SART3: variants seen among roughly 807,000 people sequenced by gnomAD.
SART3 encodes spliceosome associated factor 3, U4/U6 recycling protein, also known as HIV-1 Tat-interacting protein of 110kDa.
In SART3, 44 loss-of-function variants were observed where a neutral mutation model predicts 122.3. The observed-to-expected ratio is 0.36, with a 90% CI of 0.28 to 0.46. SART3 has a LOEUF of 0.46. SART3 is among the 20% of genes least tolerant of loss of function. The pLI is 1.00. For missense variants in SART3, 1,101 were observed against 1,229.0 expected, an observed-to-expected ratio of 0.90 and a Z score of 1.56; for synonymous variants, 442 against 454.0, an observed-to-expected ratio of 0.97 and a Z score of 0.34.
rs1872221423 is a variant in SART3 at position 108,523,457 on chromosome 12, T to A, written c.2892A>T (p.Ter964CysextTer63). 1 of 1,612,152 alleles carries A rather than the reference T, an allele frequency of 6.2e-7. No homozygotes were observed. The highest frequency in any genetic ancestry group is 8.5e-7 in the Non-Finnish European group (1 of 1,179,980). The part of the protein sequence containing the change: ...ADFAKLFLRK[*>C] ...CATTTCCTGTCTCCCAGCGTCCCGT[T>A]CACTTTCTCAGAAACAGCTTGGCAA... Residue 964 changes from the stop codon to cysteine (C), a stop_lost, in exon 19 of 19, where the codon TGA (stop) becomes TGT (cysteine). Coordinates refer to ENST00000546815, the MANE Select transcript of SART3 (RefSeq NM_014706.4).
At chr12:108,536,215 T>C (rs1374429604) in intron 11 of SART3, among the ~76,000 whole-genome samples, 1 of 152,214 alleles carries the variant, frequency 6.6e-6, no homozygotes, top group East Asian at 1.9e-4. Context: ...CACTGTGCTC[T>C]CACAAATGAA....
chr12:108,542,573 C>G (rs534182398), intron 6 of SART3, among the ~76,000 whole-genome samples: 1 of 152,160 alleles, frequency 6.6e-6, no homozygotes, highest in South Asian at 2.1e-4. Flanking sequence ...ACAAATGCAC[C>G]GGAGTTATAC....
intron 18 of SART3, 43 bp from the exon 19 acceptor site, chr12:108,523,677 C>T (rs766517693): frequency 6.5e-6 from 10 of 1,548,640 alleles, no homozygotes; most frequent in African/African-American, 2.7e-5. Context: ...AGCAACAATT[C>T]GTGGCCCCTC....
At chr12:108,535,904 G>C (rs1047843169) in intron 11 of SART3, among the ~76,000 whole-genome samples, 1 of 151,926 alleles carries the variant, frequency 6.6e-6, no homozygotes, top group Non-Finnish European at 1.5e-5. Flanking sequence ...CTTTAAAATG[G>C]TTAAAAGATA....
chr12:108,552,145 G>A (rs6539438), intron 1 of SART3, among the ~76,000 whole-genome samples: 1 of 151,926 alleles, frequency 6.6e-6, no homozygotes, highest in Non-Finnish European at 1.5e-5. Flanking sequence ...ATCCAACAAC[G>A]ATTCATGGTT....
At chr12:108,552,970 GTGTGAGAA>G (rs1436194613) in intron 1 of SART3, among the ~76,000 whole-genome samples, 1 of 152,166 alleles carries the variant, frequency 6.6e-6, no homozygotes. Flanking sequence ...CATCAAGGCA[GTGTGAGAA>G]TGGCAGAAAG....
At chr12:108,535,710 T>C in intron 11 of SART3, 1 of 522,650 alleles carries the variant, frequency 1.9e-6, no homozygotes, top group Non-Finnish European at 3.5e-6. Flanking sequence ...GAGCGCACGG[T>C]ACTTACTCGA....
intron 8 of SART3, chr12:108,537,823 A>C (rs1252630646): frequency 4.5e-6 from 3 of 670,248 alleles, no homozygotes; most frequent in Non-Finnish European, 7.6e-6. Context: ...AAAGTTCCAG[A>C]TCAAGGAAGT....
intron 1 of SART3, among the ~76,000 whole-genome samples, chr12:108,552,005 G>A (rs1406512166): frequency 6.6e-6 from 1 of 152,174 alleles, no homozygotes; most frequent in Non-Finnish European, 1.5e-5. Context: ...TATACACCAT[G>A]ACCAAGTGGT....
chr12:108,560,797 G>C (rs1386879247), intron 1 of SART3, 46 bp downstream of exon 1: 1 of 1,528,658 alleles, frequency 6.5e-7, no homozygotes, highest in South Asian at 1.2e-5. Flanking sequence ...GGGGACCCGA[G>C]GACCTGAAAG....
At chr12:108,559,226 A>C (rs1044519707) in intron 1 of SART3, among the ~76,000 whole-genome samples, 1 of 152,206 alleles carries the variant, frequency 6.6e-6, no homozygotes, top group Non-Finnish European at 1.5e-5. Flanking sequence ...TTTAATGAGT[A>C]AACTAGATTA....
chr12:108,534,233 T>C (rs1316301421), intron 12 of SART3, among the ~76,000 whole-genome samples: 1 of 152,148 alleles, frequency 6.6e-6, no homozygotes, highest in Non-Finnish European at 1.5e-5. Context: ...ATTATAAATA[T>C]CAATAGATAT....
chr12:108,536,841 A>C (rs1015208148), intron 9 of SART3, 56 bp from the exon 10 acceptor site: 2 of 1,520,214 alleles, frequency 1.3e-6, no homozygotes, highest in Non-Finnish European at 1.8e-6. Flanking sequence ...GCTTTGTTTT[A>C]TTTTTTATCC....
chr12:108,546,770 C>T (rs1001294870), intron 3 of SART3, among the ~76,000 whole-genome samples: 8 of 152,178 alleles, frequency 5.3e-5, no homozygotes, highest in African/African-American at 1.9e-4. Flanking sequence ...ATCCGCCTGC[C>T]TCAGTCTCCC....
chr12:108,535,856 G>T (rs1872881898), intron 11 of SART3, among the ~76,000 whole-genome samples: 1 of 150,492 alleles, frequency 6.6e-6, no homozygotes, highest in Admixed American at 6.6e-5. Flanking sequence ...ACTGTGACTT[G>T]GGCAAATTAC....
intron 17 of SART3, 72 bp from the exon 18 acceptor site, chr12:108,524,578 G>A (rs1175490104): frequency 1.4e-6 from 2 of 1,447,584 alleles, no homozygotes; most frequent in Non-Finnish European, 1.9e-6. Flanking sequence ...TGCAGGGCAG[G>A]CACTGGGCTT....
rs746577028 is a variant in SART3, at chr12:108,549,203, G to A, written c.324C>T (p.Asn108=). ...IERLEEQLSI[N]VYDYNCHVDL... is the part of the protein sequence containing the mutation. Reference sequence around the variant, plus strand: ...CCACATGGCAGTTGTAGTCATAGACGTTGATAGACAACTAACAGGAAAAGA... The same window carrying A: ...CCACATGGCAGTTGTAGTCATAGACATTGATAGACAACTAACAGGAAAAGA... The change falls in exon 2 of 19, where the codon AAC becomes AAT. Residue 108 remains asparagine, a synonymous_variant. Transcript: ENST00000546815. 3.4e-5 allele frequency: 55 copies of A among 1,614,160 alleles called. No homozygotes were observed. In the South Asian group the frequency reaches 5.0e-4, roughly 15 times the overall value.
Position 108,530,314 on chromosome 12 carries a change from G to A in SART3, c.1747-4C>T. 3.7e-6 allele frequency: 6 copies of A among 1,613,912 alleles called. No homozygotes were observed. Among genetic ancestry groups the A allele is most frequent in the Non-Finnish European group, 5.1e-6 (6 of 1,180,028 alleles). ...GGGCTGCTTCCTTCTCTGCAGCCTA[G>A]AAAAGTGGGAAGATGATGCATCGCT... On this transcript the variant is annotated splice_polypyrimidine_tract_variant and splice_region_variant and intron_variant, in intron 14 of 18. Transcript: ENST00000546815.
rs1001537591 is a variant in SART3 at position 108,523,122 on chromosome 12, C to G, written c.*335G>C. The G allele has an allele frequency of 2.0e-5, 8 of 404,272 alleles. No homozygotes were observed. Among genetic ancestry groups the G allele is most frequent in the African/African-American group, 1.4e-4 (7 of 49,408 alleles). 25.0% of individuals were successfully genotyped at this position (404,272 alleles called of 1,614,324 possible). On this transcript the variant is annotated 3_prime_UTR_variant, in exon 19 of 19. Transcript: ENST00000546815. ...AGTGTCATACAAAAAGGGGCCGGAG[C>G]TGGCCAGAAACATTTGGACAACTGT...
Sources: allele counts gnomAD v4.1 joint callset (sites outside exome capture counted in the v4.1 genomes callset), GRCh38; gene constraint gnomAD v4.1.1; transcripts MANE v1.5; gene names NCBI Gene and HGNC (gene_info 2026-07-23, HGNC 2026-07-21).